GAK: variants seen among roughly 807,000 people sequenced by gnomAD.
The protein encoded by GAK is cyclin-G-associated kinase.
A neutral mutation model predicts 143.9 loss-of-function variants in GAK; 79 were observed. That is an observed-to-expected ratio of 0.55 (90% CI 0.46 to 0.66). The LOEUF (loss-of-function observed/expected upper bound fraction) is 0.66. GAK is among the 30% of genes least tolerant of loss of function. GAK has a pLI of 0.00. For missense variants in GAK, 1,693 were observed against 1,779.7 expected (o/e 0.95, Z 0.88); for synonymous variants, 881 against 765.5 (o/e 1.15, Z -2.49).
At chr4:925,568 A>G (rs954498780) in intron 1 of GAK, among the ~76,000 whole-genome samples, 3 of 152,230 alleles carry the variant, frequency 2.0e-5, no homozygotes, top group African/African-American at 7.2e-5. Flanking sequence ...TACAGAATGA[A>G]TCTGTGTCCC....
At chr4:872,610 G>A (rs973293478) in intron 18 of GAK, 11 of 152,412 alleles carry the variant, frequency 7.2e-5, no homozygotes, top group African/African-American at 1.2e-4. Flanking sequence ...GAGCCAGGTC[G>A]GCCAGACGGG....
At chr4:855,376 T>C (rs928754360) in intron 24 of GAK, among the ~76,000 whole-genome samples, 1 of 152,006 alleles carries the variant, frequency 6.6e-6, no homozygotes, top group African/African-American at 2.4e-5. Flanking sequence ...CTGTTTTAAA[T>C]GTTGGCTTCC....
At chr4:895,967 G>A (rs1718688861) in intron 7 of GAK, among the ~76,000 whole-genome samples, 1 of 152,234 alleles carries the variant, frequency 6.6e-6, no homozygotes, top group South Asian at 2.1e-4. Context: ...CCTATTAGAA[G>A]TAGTCAAGGT....
rs769204375 is a variant in GAK, at chr4:867,282, G to A, written c.2546C>T (p.Pro849Leu). 6.2e-7 allele frequency: 1 copy of A among 1,613,026 alleles called. No homozygotes were observed. Among genetic ancestry groups the A allele is most frequent in the Non-Finnish European group, 8.5e-7 (1 of 1,179,514 alleles). The part of the protein sequence containing the change: ...EGQEPRADPE[P>L]PGLAAGLVQQ... ...CACCAGCCCTGCTGCCAGGCCGGGG[G>A]GCTCTGGGTCGGCCCTGGGTTCCTG... The change falls in exon 21 of 28, where the codon CCC becomes CTC. Residue 849 changes from proline to leucine, a missense_variant. This residue lies in a region of GAK where 822 missense variants were observed against 788.7 expected (regional missense o/e 1.04). Transcript: ENST00000314167.
chr4:877,914 G>A (rs1460465963), intron 15 of GAK, 105 bp from the exon 16 acceptor site: 1 of 1,008,466 alleles, frequency 9.9e-7, no homozygotes, highest in African/African-American at 1.6e-5. Context: ...AATTTCCCTT[G>A]TAGCAATGTT....
rs886922884 is a variant in GAK at position 849,353 on chromosome 4, T to C, written c.*320A>G. 1 of 423,258 alleles carries C rather than the reference T, an allele frequency of 2.4e-6. No individual in the cohort carries two copies. The highest frequency in any genetic ancestry group is 2.0e-5 in the African/African-American group (1 of 50,378). The allele number at this position is 423,258 out of a possible 1,614,324, so 26.2% of individuals were successfully genotyped here. On this transcript the variant is annotated 3_prime_UTR_variant, in exon 28 of 28. Coordinates refer to ENST00000314167, the MANE Select transcript of GAK (RefSeq NM_005255.4). The stretch of plus-strand genomic sequence containing the variant: ...AGTGCGGTGCAAACACCAGGGCCCA[T>C]GAGCGCCAGCAGCGTGGCCCACCAC...
In GAK at chr4:873,718, T is replaced by C. The variant is rs576099552; in HGVS notation, c.2054+2812A>G. 5.9e-3 allele frequency among the ~76,000 whole-genome samples: 897 copies of C among 152,354 alleles called. 11 individuals carry two copies. Among genetic ancestry groups the C allele is most frequent in the African/African-American group, 0.02 (848 of 41,576 alleles). ...AGTGACACCAGCCTTCTTCCTGTTA[T>C]GGTCTGCATGGTAAGCAATTTCCAA... is the stretch of plus-strand genomic sequence containing the variant. On this transcript the variant is annotated intron_variant, in intron 18 of 27. Coordinates refer to ENST00000314167, the MANE Select transcript of GAK (RefSeq NM_005255.4).
intron 5 of GAK, among the ~76,000 whole-genome samples, chr4:904,313 T>A (rs113071002): frequency 1.6e-4 from 12 of 76,768 alleles, no homozygotes; most frequent in African/African-American, 4.2e-4. Flanking sequence ...CACGACCTTG[T>A]GGTCCCTGTG....
chr4:919,250 A>C (rs1270623853), intron 1 of GAK, among the ~76,000 whole-genome samples: 19 of 146,034 alleles, frequency 1.3e-4, no homozygotes, highest in African/African-American at 4.1e-4. Context: ...ATGACCTTAG[A>C]AAGACAGAAG....
At chr4:894,536 G>T (rs114332099) in intron 7 of GAK, 4,618 of 155,250 alleles carry the variant, frequency 0.03, 98 homozygotes, top group South Asian at 0.085. Context: ...GATCCTAGGG[G>T]TATAGTCGGT....
chr4:870,985 A>G (rs1712469298), intron 18 of GAK, 81 bp from the exon 19 acceptor site: 19 of 1,275,920 alleles, frequency 1.5e-5, no homozygotes, highest in Non-Finnish European at 2.1e-5. Context: ...AGAAACGTGC[A>G]TGGAAACAGG....
Position 868,626 on chromosome 4 carries a change from A to T in GAK, c.2308T>A (p.Ser770Thr), listed in dbSNP as rs1364511696. 1.9e-6 allele frequency: 3 copies of T among 1,574,422 alleles called. No individual in the cohort carries two copies. The East Asian group carries it at 7.1e-5, about 37-fold the overall frequency. The change falls in exon 20 of 28, where the codon TCC becomes ACC. Residue 770 changes from serine to threonine, a missense_variant. Ser to Thr is a moderately conservative substitution (Grantham distance 58). Transcript: ENST00000314167. ...GAGTCTGTGGGTTCGGCTTCCGGGG[A>T]CCCTGCCCCAGCATCATACTGAGCC... ...STAQYDAGAG[S>T]PEAEPTDSDS...
intron 16 of GAK, among the ~76,000 whole-genome samples, 188 bp downstream of exon 16, chr4:877,427 T>C (rs1183054083): frequency 1.3e-5 from 2 of 152,104 alleles, no homozygotes; most frequent in Non-Finnish European, 2.9e-5. Context: ...TCAAGTCTCC[T>C]GGACACTCGG....
rs972391483 is a variant in GAK, at chr4:867,284, C to G, written c.2544G>C (p.Glu848Asp). 4 of 1,613,000 alleles carry G rather than the reference C, an allele frequency of 2.5e-6. No homozygotes were observed. Among genetic ancestry groups the G allele is most frequent in the East Asian group, 2.2e-5 (1 of 44,860 alleles). Reference protein sequence around the residue: ...SEGQEPRADPEPPGLAAGLVQ... With the variant: ...SEGQEPRADPDPPGLAAGLVQ... ...CCAGCCCTGCTGCCAGGCCGGGGGG[C>G]TCTGGGTCGGCCCTGGGTTCCTGGC... The change falls in exon 21 of 28, where the codon GAG becomes GAC. Residue 848 changes from glutamate to aspartate, a missense_variant. Around this residue, in one of 2 missense-constraint regions of GAK, gnomAD observed 822 missense variants for 788.7 expected, o/e 1.04. Transcript: ENST00000314167.
In GAK at chr4:932,038, C is replaced by G; in HGVS notation, c.145+5G>C. The G allele has an allele frequency of 1.3e-6, 2 of 1,579,242 alleles. No individual in the cohort carries two copies. Among genetic ancestry groups the G allele is most frequent in the East Asian group, 2.3e-5 (1 of 43,398 alleles). On this transcript the variant is annotated splice_donor_5th_base_variant and intron_variant, in intron 1 of 27. Transcript: ENST00000314167. This position sits in a 1 kb window ranked among gnomAD's most constrained non-coding sequence, Gnocchi z 4.0. ...CGCACCCGCGCTGCCGACCCGGGGC[C>G]TCACCTTCGGCCAGGACCCGCCGCA...
intron 22 of GAK, 64 bp downstream of exon 22, chr4:866,300 C>A: frequency 6.6e-7 from 1 of 1,514,924 alleles, no homozygotes; most frequent in Non-Finnish European, 9.1e-7. Flanking sequence ...CTGTTTCCCA[C>A]CAGAGGCTGC....
intron 23 of GAK, 60 bp downstream of exon 23, chr4:865,062 G>GGACCCCACTTTCTGCCGCCATCCCC (rs1750919715): frequency 6.4e-7 from 1 of 1,574,430 alleles, no homozygotes; most frequent in African/African-American, 1.4e-5. Flanking sequence ...GTGTGAAATA[G>GGACCCCACTTTCTGCCGCCATCCCC]AGACGGGCCA....
chr4:905,290 T>C (rs1202773748), intron 4 of GAK, among the ~76,000 whole-genome samples: 2 of 152,184 alleles, frequency 1.3e-5, no homozygotes, highest in African/African-American at 2.4e-5. Context: ...CATTCTTTCT[T>C]TGTTTCGCTG....
chr4:867,636 T>C (rs925010816), intron 20 of GAK, among the ~76,000 whole-genome samples: 5 of 146,758 alleles, frequency 3.4e-5, no homozygotes, highest in Non-Finnish European at 6.0e-5. Context: ...AGGGTCCCCA[T>C]GGCATGGCCC....
Sources: gnomAD v4.1 joint callset for allele counts (sites outside exome capture counted in the v4.1 genomes callset) on GRCh38, gnomAD v4.1.1 for gene constraint, gnomAD v4.1.1 regional missense constraint, Gnocchi (gnomAD v3.1) non-coding constraint, MANE v1.5 for transcripts, NCBI Gene and HGNC (gene_info 2026-07-23, HGNC 2026-07-21) for gene names.